The following FYB1 variants were observed in gnomAD, a reference collection of about 807,000 sequenced individuals.
FYB1 encodes FYN-binding protein 1.
FYB1 carries 41 observed loss-of-function variants against 94.1 expected under a neutral mutation model. The ratio of observed to expected loss-of-function variants is 0.44; its 90% CI spans 0.34 to 0.57. FYB1 has a LOEUF of 0.57. FYB1 is among the 20% of genes least tolerant of loss of function. The pLI, the probability that FYB1 is intolerant of heterozygous loss-of-function variation, is 0.02. For synonymous variants in FYB1, 367 were observed against 353.2 expected, an observed-to-expected ratio of 1.04 and a Z score of -0.44; for missense variants, 1,050 against 976.8, an observed-to-expected ratio of 1.07 and a Z score of -1.00.
chr5:39,212,866 A>T (rs1160559137), intron 1 of FYB1: 1 of 152,038 alleles, frequency 6.6e-6, no homozygotes, highest in African/African-American at 2.4e-5. Context: ...TTGTCCATTC[A>T]TTCATGGATT....
chr5:39,194,550 G>T (rs1024866230), intron 2 of FYB1, among the ~76,000 whole-genome samples: 1 of 151,440 alleles, frequency 6.6e-6, no homozygotes, highest in Non-Finnish European at 1.5e-5. Flanking sequence ...GACAGAAAAA[G>T]GAAGGAAGGA....
intron 2 of FYB1, among the ~76,000 whole-genome samples, chr5:39,164,038 A>G (rs1024698552): frequency 5.3e-5 from 8 of 152,234 alleles, no homozygotes; most frequent in African/African-American, 1.4e-4. Context: ...GATAAAATCA[A>G]TATAAGCCAG....
chr5:39,231,535 C>T, intron 1 of FYB1, among the ~76,000 whole-genome samples: 1 of 151,978 alleles, frequency 6.6e-6, no homozygotes, highest in East Asian at 1.9e-4. Context: ...TAATATATTT[C>T]AAGAATGAAA....
At chr5:39,203,841 C>A (rs1748598590) in intron 1 of FYB1, among the ~76,000 whole-genome samples, 1 of 152,084 alleles carries the variant, frequency 6.6e-6, no homozygotes, top group African/African-American at 2.4e-5. Context: ...TTAGGTATTA[C>A]TTAGCAAAGA....
At chr5:39,238,625 A>G (rs1330908272) in intron 1 of FYB1, among the ~76,000 whole-genome samples, 2 of 151,922 alleles carry the variant, frequency 1.3e-5, no homozygotes, top group Middle Eastern at 3.2e-3. Context: ...AAGAAGAGAG[A>G]AAAAAGAGCC....
intron 2 of FYB1, among the ~76,000 whole-genome samples, chr5:39,179,724 C>T (rs1038858901): frequency 6.6e-6 from 1 of 152,044 alleles, no homozygotes; most frequent in Admixed American, 6.5e-5. Flanking sequence ...GGTGATCCTC[C>T]CACCTTGGCC....
chr5:39,123,460 C>T (rs953118234), intron 13 of FYB1, among the ~76,000 whole-genome samples: 15 of 152,044 alleles, frequency 9.9e-5, no homozygotes, highest in African/African-American at 3.4e-4. Flanking sequence ...TCATTTTATA[C>T]CCACTTTTTG....
intron 1 of FYB1, among the ~76,000 whole-genome samples, chr5:39,230,885 A>G (rs1387926570): frequency 6.6e-6 from 1 of 151,802 alleles, no homozygotes; most frequent in Non-Finnish European, 1.5e-5. Context: ...ACACATATAT[A>G]TACACATACA....
chr5:39,131,583 T>C (rs1487210742), intron 9 of FYB1, among the ~76,000 whole-genome samples: 1 of 152,196 alleles, frequency 6.6e-6, no homozygotes, highest in Non-Finnish European at 1.5e-5. Flanking sequence ...TGTCAGGAAC[T>C]TTGTAGGAAA....
chr5:39,119,706 G>A (rs1219327745), intron 14 of FYB1, 72 bp from the exon 15 acceptor site: 3 of 1,319,368 alleles, frequency 2.3e-6, no homozygotes, highest in Non-Finnish European at 9.8e-7. Context: ...TAACAGAGAC[G>A]ATTCATAGCA....
intron 7 of FYB1, among the ~76,000 whole-genome samples, chr5:39,136,911 T>G (rs1373243601): frequency 6.6e-6 from 1 of 152,196 alleles, no homozygotes; most frequent in Non-Finnish European, 1.5e-5. Flanking sequence ...CCTAAATATG[T>G]CTGACATGCC....
intron 2 of FYB1, among the ~76,000 whole-genome samples, chr5:39,174,753 T>A (rs991808104): frequency 6.6e-6 from 1 of 152,236 alleles, no homozygotes; most frequent in Non-Finnish European, 1.5e-5. Flanking sequence ...TTTAAAAACC[T>A]TAAAAAGATA....
At chr5:39,256,907 G>T (rs529658319) in intron 1 of FYB1, among the ~76,000 whole-genome samples, 2 of 152,210 alleles carry the variant, frequency 1.3e-5, no homozygotes, top group Non-Finnish European at 2.9e-5. Flanking sequence ...ATGAGTAAAA[G>T]TGATGGTAGT....
intron 1 of FYB1, among the ~76,000 whole-genome samples, chr5:39,246,008 T>C (rs1751463304): frequency 6.6e-6 from 1 of 152,236 alleles, no homozygotes; most frequent in Non-Finnish European, 1.5e-5. Flanking sequence ...TCTACTTTGT[T>C]TTTATTTAGA....
chr5:39,206,606 G>A (rs959115161), intron 1 of FYB1, among the ~76,000 whole-genome samples: 5 of 152,100 alleles, frequency 3.3e-5, no homozygotes, highest in African/African-American at 4.8e-5. Context: ...TCTAGGCTAC[G>A]CTGATGTCCT....
Position 39,134,944 on chromosome 5 carries a change from A to G in FYB1, c.1586T>C (p.Leu529Pro), listed in dbSNP as rs1741540457. 4 of 1,613,974 alleles carry G rather than the reference A, an allele frequency of 2.5e-6. No homozygotes were observed. The Admixed American group carries it at 6.7e-5, about 27-fold the overall frequency. Residue 529 changes from leucine to proline, a missense_variant, in exon 8 of 19, where the codon CTG becomes CCG. Transcript: ENST00000512982. ...CCDVKGGKNELSFKQGEQIEI... is the reference protein window; with the variant it reads ...CCDVKGGKNEPSFKQGEQIEI... ...AATTTGCTCTCCTTGCTTGAAGCTC[A>G]GTTCATTCTTTCCTCCTTTGACATC...
chr5:39,173,871 C>T (rs538729200), intron 2 of FYB1, among the ~76,000 whole-genome samples: 34 of 152,216 alleles, frequency 2.2e-4, no homozygotes, highest in African/African-American at 7.2e-4. Context: ...TAAAGTCAGG[C>T]AGTAAGATGC....
chr5:39,206,888 T>G (rs150383924), intron 1 of FYB1, among the ~76,000 whole-genome samples: 2 of 152,352 alleles, frequency 1.3e-5, no homozygotes, highest in African/African-American at 4.8e-5. Context: ...CTTGCCTTTT[T>G]CTAGGGCTGA....
chr5:39,181,599 G>A (rs1377265929), intron 2 of FYB1, among the ~76,000 whole-genome samples: 2 of 152,002 alleles, frequency 1.3e-5, no homozygotes, highest in African/African-American at 2.4e-5. Flanking sequence ...ACATCTCCAA[G>A]GTCTCAAAGA....
Sources: gnomAD v4.1 joint callset for allele counts (sites outside exome capture counted in the v4.1 genomes callset) on GRCh38, gnomAD v4.1.1 for gene constraint, MANE v1.5 for transcripts, NCBI Gene and HGNC (gene_info 2026-07-23, HGNC 2026-07-21) for gene names.